Variants in SLC37A2 observed in about 807,000 individuals in gnomAD.
The protein encoded by SLC37A2 is solute carrier family 37 member 2.
In SLC37A2, 59 loss-of-function variants were observed where a neutral mutation model predicts 70.7. The observed-to-expected ratio is 0.83, with a 90% CI of 0.68 to 1.04. The LOEUF (loss-of-function observed/expected upper bound fraction) is 1.04, where lower values mean the gene tolerates loss of function less well. SLC37A2 is among the 50% of genes least tolerant of loss of function. The probability of loss-of-function intolerance (pLI) is 0.00; values close to 1 mark genes in which losing one functional copy is unlikely to be tolerated. For missense variants in SLC37A2, 580 were observed against 658.1 expected (o/e 0.88, Z 1.30); for synonymous variants, 257 against 262.1 (o/e 0.98, Z 0.19).
chr11:125,086,189 C>T (rs768796363), intron 17 of SLC37A2, 171 bp downstream of exon 17: 8 of 1,609,882 alleles, frequency 5.0e-6, no homozygotes, highest in Admixed American at 1.7e-5. Flanking sequence ...CTGTTGTCCC[C>T]GTGTATCTCT....
intron 1 of SLC37A2, among the ~76,000 whole-genome samples, chr11:125,074,623 T>A (rs997650782): frequency 3.5e-4 from 8 of 22,810 alleles, no homozygotes; most frequent in South Asian, 3.2e-3. Flanking sequence ...GTTGGGGGAG[T>A]GGGGTGGGAG....
At chr11:125,065,343 C>T (rs570264881) in intron 1 of SLC37A2, among the ~76,000 whole-genome samples, 1 of 152,064 alleles carries the variant, frequency 6.6e-6, no homozygotes. Context: ...TACCATATAC[C>T]CCTTGTTAAG....
rs778251965 is a variant in SLC37A2, at chr11:125,083,819, C to A, written c.981C>A (p.His327Gln). The change falls in exon 11 of 18, where the codon CAC becomes CAA. Residue 327 changes from histidine (H) to glutamine (Q), a missense_variant. Coordinates refer to ENST00000403796, the MANE Select transcript of SLC37A2 (RefSeq NM_001145290.2). The surrounding 1 kb of genome is among the most constrained non-coding windows in gnomAD (Gnocchi z 4.6). ...ACATACCTGTATTTTCCACAGCTCA[C>A]TTTAGTGCCAAGGAGGCTGGGGACC... is the stretch of plus-strand genomic sequence containing the variant. ...WLPLYIANVA[H>Q]FSAKEAGDLS... 6.2e-7 allele frequency: 1 copy of A among 1,614,130 alleles called. No homozygotes were observed. Among genetic ancestry groups the A allele is most frequent in the Non-Finnish European group, 8.5e-7 (1 of 1,179,994 alleles).
intron 1 of SLC37A2, among the ~76,000 whole-genome samples, chr11:125,066,362 T>C (rs1948980042): frequency 6.6e-6 from 1 of 152,218 alleles, no homozygotes; most frequent in Admixed American, 6.5e-5. Context: ...TGATCATGCC[T>C]GTGAAAAGCC....
At chr11:125,082,204 T>G in intron 9 of SLC37A2, 40 bp from the exon 10 acceptor site, 1 of 1,601,304 alleles carries the variant, frequency 6.2e-7, no homozygotes, top group Non-Finnish European at 8.6e-7. Flanking sequence ...ACCCAGGACC[T>G]CTGGACCCCT....
At position 125,084,855 on chromosome 11, in the gene SLC37A2, G is replaced by A. The variant is rs780988302; in HGVS notation, c.1156G>A (p.Gly386Arg). 1.9e-5 allele frequency: 30 copies of A among 1,613,594 alleles called. No homozygotes were observed. The East Asian group carries it at 2.2e-4, about 12-fold the overall frequency. Reference protein sequence around the residue: ...MFLYNYIGQDGIASSIVMLII... With the variant: ...MFLYNYIGQDRIASSIVMLII... ...CCTGTACAACTACATTGGCCAGGAC[G>A]GGATTGCCAGCTCCATAGGTGAGGA... The change falls in exon 13 of 18, where the codon GGG becomes AGG. Residue 386 changes from glycine (G) to arginine (R), a missense_variant. Physicochemically the swap from Gly to Arg is moderately radical, Grantham distance 125. Coordinates refer to ENST00000403796, the MANE Select transcript of SLC37A2 (RefSeq NM_001145290.2).
In SLC37A2 at chr11:125,077,502, C is replaced by T. The variant is rs985882064; in HGVS notation, c.288C>T (p.Ile96=). ...GGGGCGTGGACAACGCCTTCCTCAT[C>T]GCCTATGCCATCGGCATGTTCATCA... ...LLGGVDNAFL[I]AYAIGMFISG... The change falls in exon 4 of 18, where the codon ATC becomes ATT. Residue 96 remains isoleucine (I), a synonymous_variant. Coordinates refer to ENST00000403796, the MANE Select transcript of SLC37A2 (RefSeq NM_001145290.2). The T allele has an allele frequency of 2.2e-5, 36 of 1,613,704 alleles. No individual in the cohort carries two copies. Among genetic ancestry groups the T allele is most frequent in the Non-Finnish European group, 2.7e-5 (32 of 1,179,862 alleles).
chr11:125,067,716 G>A (rs1948995669), intron 1 of SLC37A2, among the ~76,000 whole-genome samples: 1 of 152,098 alleles, frequency 6.6e-6, no homozygotes, highest in Non-Finnish European at 1.5e-5. Context: ...ACATTTAATT[G>A]CTTATTTTTA....
intron 1 of SLC37A2, among the ~76,000 whole-genome samples, chr11:125,076,387 C>G (rs1949087863): frequency 1.3e-5 from 2 of 152,306 alleles, no homozygotes; most frequent in South Asian, 4.1e-4. Context: ...GTGAAAACCA[C>G]TCAAACTCCC....
chr11:125,084,473 G>A (rs948269), intron 12 of SLC37A2, among the ~76,000 whole-genome samples, 154 bp downstream of exon 12: 1 of 152,294 alleles, frequency 6.6e-6, no homozygotes. Flanking sequence ...GGAGAAGCGA[G>A]GGTCAGCAGA....
At chr11:125,066,828 A>G (rs995097184) in intron 1 of SLC37A2, among the ~76,000 whole-genome samples, 11 of 152,200 alleles carry the variant, frequency 7.2e-5, no homozygotes, top group African/African-American at 2.7e-4. Flanking sequence ...GATATTCAGT[A>G]AGCTTAACAT....
chr11:125,071,852 G>GA (rs1949032704), intron 1 of SLC37A2, among the ~76,000 whole-genome samples: 2 of 138,604 alleles, frequency 1.4e-5, no homozygotes, highest in Admixed American at 1.4e-4. Flanking sequence ...GCTTGTGGGG[G>GA]AGGGGGGGTG....
Position 125,089,823 on chromosome 11 carries a change from A to T in SLC37A2, c.*1689A>T, listed in dbSNP as rs1354415684. On this transcript the variant is annotated 3_prime_UTR_variant, in exon 18 of 18. Coordinates refer to ENST00000403796, the MANE Select transcript of SLC37A2 (RefSeq NM_001145290.2). ...TGGGGCCCGAGCCTCCCCGACGAGT[A>T]CCACCCCCTGCTCCAGGGCGCCCAG... 6.0e-6 allele frequency: 1 copy of T among 167,126 alleles called. No individual in the cohort carries two copies. Among genetic ancestry groups the T allele is most frequent in the East Asian group, 1.8e-4 (1 of 5,416 alleles). The allele number at this position is 167,126 out of a possible 1,614,324, so 10.4% of individuals were successfully genotyped here. A position where few individuals can be genotyped will look rare whatever the true frequency, so the allele number is the denominator to read the frequency against.
chr11:125,069,322 C>G (rs567160768), intron 1 of SLC37A2, among the ~76,000 whole-genome samples: 1 of 152,352 alleles, frequency 6.6e-6, no homozygotes, highest in Non-Finnish European at 1.5e-5. Context: ...AGCCCATGGT[C>G]TTTCCGCTGC....
At position 125,086,752 on chromosome 11, in the gene SLC37A2, T is replaced by A. The variant is rs925360029; in HGVS notation, c.1490+734T>A. The A allele has an allele frequency of 1.4e-5, 3 of 216,286 alleles. No individual in the cohort carries two copies. In the South Asian group the frequency reaches 2.2e-4, roughly 16 times the overall value. 13.4% of individuals were successfully genotyped at this position (216,286 alleles called of 1,614,324 possible). On this transcript the variant is annotated intron_variant, in intron 17 of 17. Coordinates refer to ENST00000403796, the MANE Select transcript of SLC37A2 (RefSeq NM_001145290.2). ...GCATCAGCAGGTCAGTGGCTGAGGCTACACAGTGCTGGTGGTCTGATGGTC... is the reference window on the plus strand; with the variant it reads ...GCATCAGCAGGTCAGTGGCTGAGGCAACACAGTGCTGGTGGTCTGATGGTC...
At position 125,066,657 on chromosome 11, in the gene SLC37A2, A is replaced by G. The variant is rs1000723031; in HGVS notation, c.59+3231A>G. On this transcript the variant is annotated intron_variant, in intron 1 of 17. Transcript: ENST00000403796. ...AAAGATGTTAATCCAAACAGAAAAA[A>G]TCTAGACAACGTCTAAAAATATAAG... Among the ~76,000 whole-genome samples the G allele has an allele frequency of 7.9e-5, 12 of 152,334 alleles. 1 individual carries two copies. The highest frequency in any genetic ancestry group is 2.9e-4 in the African/African-American group (12 of 41,580).
At chr11:125,073,312 G>T (rs1294304141) in intron 1 of SLC37A2, among the ~76,000 whole-genome samples, 1 of 152,246 alleles carries the variant, frequency 6.6e-6, no homozygotes, top group African/African-American at 2.4e-5. Context: ...GAGCTTCAGG[G>T]CATCCTTATG....
chr11:125,077,540 G>A lies in SLC37A2; in HGVS notation c.314+12G>A. On this transcript the variant is annotated intron_variant, in intron 4 of 17. Coordinates refer to ENST00000403796, the MANE Select transcript of SLC37A2 (RefSeq NM_001145290.2). ...GGCATGTTCATCAGGTAAGGACAGA[G>A]GCTGAGCCTATGACCAAGAGGAGGA... 6.2e-7 allele frequency: 1 copy of A among 1,610,080 alleles called. No homozygotes were observed. The highest frequency in any genetic ancestry group is 8.5e-7 in the Non-Finnish European group (1 of 1,177,322).
At chr11:125,084,342 AG>A in intron 12 of SLC37A2, 23 bp downstream of exon 12, 1 of 1,612,398 alleles carries the variant, frequency 6.2e-7, no homozygotes, top group South Asian at 1.1e-5. Flanking sequence ...CCGAGGGTGA[AG>A]TGCGAATGCA....
Sources: gnomAD v4.1 joint callset for allele counts (sites outside exome capture counted in the v4.1 genomes callset) on GRCh38, gnomAD v4.1.1 for gene constraint, Gnocchi (gnomAD v3.1) non-coding constraint, MANE v1.5 for transcripts, NCBI Gene and HGNC (gene_info 2026-07-23, HGNC 2026-07-21) for gene names.